The following PXDNL variants were observed in gnomAD, a reference collection of about 807,000 sequenced individuals.
PXDNL encodes probable oxidoreductase PXDNL.
Under a neutral mutation model 150.8 loss-of-function variants are expected in PXDNL, and 145 were observed. The ratio of observed to expected loss-of-function variants is 0.96; its 90% CI spans 0.84 to 1.10. The LOEUF is 1.10. Ranked by LOEUF, PXDNL falls within the 50% of genes least tolerant of loss-of-function variation. The pLI is 0.00. For synonymous variants in PXDNL, 757 were observed against 725.7 expected (o/e 1.04, Z -0.69); for missense variants, 2,087 against 1,873.9 (o/e 1.11, Z -2.10).
chr8:51,803,124 A>G (rs4291261), intron 1 of PXDNL, among the ~76,000 whole-genome samples: 104,550 of 152,102 alleles, frequency 0.69, 42,387 homozygotes, highest in Non-Finnish European at 0.9. Flanking sequence ...TGCTGCAGCA[A>G]CGAGGCTTCC....
chr8:51,348,482 G>A (rs185538924), intron 19 of PXDNL, among the ~76,000 whole-genome samples: 9 of 152,174 alleles, frequency 5.9e-5, no homozygotes, highest in South Asian at 2.1e-4. Flanking sequence ...AATTCACTTC[G>A]TTATTTATTC....
chr8:51,773,482 G>A (rs937466667), intron 1 of PXDNL, among the ~76,000 whole-genome samples: 1 of 152,192 alleles, frequency 6.6e-6, no homozygotes. Flanking sequence ...GGACATCATA[G>A]TGCAGAGAAA....
chr8:51,464,585 A>G (rs1810160875), intron 8 of PXDNL, among the ~76,000 whole-genome samples: 1 of 152,200 alleles, frequency 6.6e-6, no homozygotes, highest in South Asian at 2.1e-4. Context: ...GTCTATTAAG[A>G]GGAAATGGAC....
rs189425026 is a variant in PXDNL, at chr8:51,646,258, G to A, written c.236+8431C>T. 7.3e-3 allele frequency among the ~76,000 whole-genome samples: 1,112 copies of A among 152,254 alleles called. 6 individuals carry two copies. Among genetic ancestry groups the A allele is most frequent in the Middle Eastern group, 0.014 (4 of 294 alleles). ...GAGAAAAGGCCAGTGAGGATGCAGG[G>A]AGAGATGACATTTACACACCAAGGA... On this transcript the variant is annotated intron_variant, in intron 2 of 22. Transcript: ENST00000356297.
intron 17 of PXDNL, among the ~76,000 whole-genome samples, chr8:51,384,227 G>T (rs1807631135): frequency 6.6e-6 from 1 of 152,142 alleles, no homozygotes; most frequent in South Asian, 2.1e-4. Flanking sequence ...GCCTCAGGAT[G>T]ACTGCATCAA....
chr8:51,796,519 A>C (rs1345309603), intron 1 of PXDNL, among the ~76,000 whole-genome samples: 1 of 152,194 alleles, frequency 6.6e-6, no homozygotes, highest in Non-Finnish European at 1.5e-5. Context: ...AGAAATACAA[A>C]CAACCATCAG....
rs75733109 is a variant in PXDNL at position 51,417,492 on chromosome 8, A to T, written c.1796-4234T>A. 8.5e-5 allele frequency among the ~76,000 whole-genome samples: 13 copies of T among 152,294 alleles called. No individual in the cohort carries two copies. The East Asian group carries it at 2.3e-3, about 27-fold the overall frequency. Reference sequence around the variant, plus strand: ...TGGGTGACTTGGGGACTGGACCTAGAGATGGGATGCAGAAACAAAACAGCT... The same window carrying T: ...TGGGTGACTTGGGGACTGGACCTAGTGATGGGATGCAGAAACAAAACAGCT... On this transcript the variant is annotated intron_variant, in intron 14 of 22. Coordinates refer to ENST00000356297, the MANE Select transcript of PXDNL (RefSeq NM_144651.5).
At chr8:51,502,979 A>G (rs1385625917) in intron 4 of PXDNL, among the ~76,000 whole-genome samples, 2 of 152,200 alleles carry the variant, frequency 1.3e-5, no homozygotes, top group African/African-American at 4.8e-5. Context: ...ATTAATAATT[A>G]TCGATTTAAT....
intron 1 of PXDNL, among the ~76,000 whole-genome samples, chr8:51,711,407 G>A (rs1816494666): frequency 6.6e-6 from 1 of 152,018 alleles, no homozygotes; most frequent in Admixed American, 6.6e-5. Context: ...CTAAGTGTTG[G>A]GATTACAGGC....
At chr8:51,605,768 A>AGTTAATG (rs1813827043) in intron 2 of PXDNL, among the ~76,000 whole-genome samples, 1 of 152,206 alleles carries the variant, frequency 6.6e-6, no homozygotes, top group Admixed American at 6.5e-5. Flanking sequence ...CTCATGAATG[A>AGTTAATG]GTTAATGTTG....
chr8:51,538,569 C>T (rs1468369152), intron 4 of PXDNL, among the ~76,000 whole-genome samples: 3 of 152,054 alleles, frequency 2.0e-5, no homozygotes, highest in Non-Finnish European at 4.4e-5. Context: ...AGTTTGAGAC[C>T]AGGCTGGCCA....
intron 3 of PXDNL, among the ~76,000 whole-genome samples, chr8:51,562,771 A>G (rs1563465643): frequency 6.6e-6 from 1 of 151,954 alleles, no homozygotes; most frequent in Non-Finnish European, 1.5e-5. Context: ...TAGGTTTCTA[A>G]CCTACCATGG....
At chr8:51,537,064 A>G (rs1298052987) in intron 4 of PXDNL, among the ~76,000 whole-genome samples, 5 of 152,338 alleles carry the variant, frequency 3.3e-5, no homozygotes, top group African/African-American at 9.6e-5. Context: ...GTAGACAGAA[A>G]AGCAAACATA....
chr8:51,353,238 TTCC>T (rs904605669), intron 19 of PXDNL, among the ~76,000 whole-genome samples: 164 of 150,654 alleles, frequency 1.1e-3, no homozygotes, highest in African/African-American at 3.7e-3. Context: ...TTACTTCTCC[TTCC>T]TTTATTTTTT....
At chr8:51,585,003 C>T (rs1813293319) in intron 3 of PXDNL, among the ~76,000 whole-genome samples, 1 of 152,086 alleles carries the variant, frequency 6.6e-6, no homozygotes, top group Admixed American at 6.6e-5. Flanking sequence ...CAATGTTAAC[C>T]TAGAAACTTT....
intron 17 of PXDNL, among the ~76,000 whole-genome samples, chr8:51,390,894 C>T (rs562692308): frequency 6.6e-6 from 1 of 152,148 alleles, no homozygotes; most frequent in Non-Finnish European, 1.5e-5. Flanking sequence ...ATCCCTCCCC[C>T]CTCCTCCGAC....
chr8:51,378,795 C>T (rs1807439659), intron 17 of PXDNL, among the ~76,000 whole-genome samples: 1 of 152,130 alleles, frequency 6.6e-6, no homozygotes, highest in African/African-American at 2.4e-5. Flanking sequence ...AGGTCTGCAG[C>T]TTCACTCCTG....
At chr8:51,545,890 T>G (rs1812350203) in intron 4 of PXDNL, among the ~76,000 whole-genome samples, 1 of 152,200 alleles carries the variant, frequency 6.6e-6, no homozygotes, top group Admixed American at 6.5e-5. Flanking sequence ...ACAAAATATG[T>G]TATTTTCATC....
chr8:51,470,853 T>C (rs1810311858), intron 8 of PXDNL, among the ~76,000 whole-genome samples: 1 of 152,136 alleles, frequency 6.6e-6, no homozygotes, highest in Admixed American at 6.5e-5. Flanking sequence ...ATTGAAGACT[T>C]CAATGTAAGA....
Sources: allele counts gnomAD v4.1 joint callset (sites outside exome capture counted in the v4.1 genomes callset), GRCh38; gene constraint gnomAD v4.1.1; transcripts MANE v1.5; gene names NCBI Gene and HGNC (gene_info 2026-07-23, HGNC 2026-07-21).